KCTD8: variants seen among roughly 807,000 people sequenced by gnomAD.
KCTD8 encodes potassium channel tetramerization domain containing 8.
Under a neutral mutation model 31.5 loss-of-function variants are expected in KCTD8, and 27 were observed. The observed-to-expected ratio is 0.86, with a 90% CI of 0.63 to 1.18. The LOEUF (loss-of-function observed/expected upper bound fraction) is 1.18. KCTD8 is among the 50% of genes most tolerant of loss of function. KCTD8 has a pLI of 0.00. For missense variants in KCTD8, 658 were observed against 647.7 expected, an observed-to-expected ratio of 1.02 and a Z score of -0.17; for synonymous variants, 290 against 280.0, an observed-to-expected ratio of 1.04 and a Z score of -0.36.
chr4:44,439,079 AAC>A (rs1721753283), intron 1 of KCTD8, among the ~76,000 whole-genome samples: 1 of 152,192 alleles, frequency 6.6e-6, no homozygotes, highest in Non-Finnish European at 1.5e-5. Context: ...AGTAGAGGCC[AAC>A]AGATTCTGGC....
intron 1 of KCTD8, among the ~76,000 whole-genome samples, chr4:44,210,506 T>C (rs1243530746): frequency 6.6e-6 from 1 of 152,228 alleles, no homozygotes; most frequent in African/African-American, 2.4e-5. Context: ...TTTACTGTTA[T>C]TTCATTCTTT....
At chr4:44,371,155 A>G (rs1719773774) in intron 1 of KCTD8, among the ~76,000 whole-genome samples, 1 of 152,040 alleles carries the variant, frequency 6.6e-6, no homozygotes, top group Non-Finnish European at 1.5e-5. Flanking sequence ...TCAAGCAGAT[A>G]AGGTGATTTT....
At chr4:44,284,859 A>C (rs1301796776) in intron 1 of KCTD8, among the ~76,000 whole-genome samples, 1 of 152,230 alleles carries the variant, frequency 6.6e-6, no homozygotes, top group Non-Finnish European at 1.5e-5. Context: ...CAGCCAAAAG[A>C]TATATGAAAA....
At chr4:44,250,652 A>G (rs1304604919) in intron 1 of KCTD8, among the ~76,000 whole-genome samples, 1 of 151,726 alleles carries the variant, frequency 6.6e-6, no homozygotes, top group Non-Finnish European at 1.5e-5. Flanking sequence ...CTGTGAGTAA[A>G]GTTGATGATC....
chr4:44,357,903 A>G (rs998615876), intron 1 of KCTD8, among the ~76,000 whole-genome samples: 3 of 151,278 alleles, frequency 2.0e-5, no homozygotes, highest in Admixed American at 6.6e-5. Context: ...TATTATTATT[A>G]TAATTATTAT....
chr4:44,448,684 G>A lies in KCTD8; in HGVS notation c.-161C>T. 2 of 642,326 alleles carry A rather than the reference G, an allele frequency of 3.1e-6. No homozygotes were observed. The highest frequency in any genetic ancestry group is 4.4e-6 in the Non-Finnish European group (2 of 450,134). The allele number at this position is 642,326 out of a possible 1,614,324, so 39.8% of individuals were successfully genotyped here. A position where few individuals can be genotyped will look rare whatever the true frequency, so the allele number is the denominator to read the frequency against. ...CCCGCTCAGGGTTCGGGGCAGCGGC[G>A]GCGTCGGCGGCGCCCGAGCTCCATC... On this transcript the variant is annotated 5_prime_UTR_variant, in exon 1 of 2. Coordinates refer to ENST00000360029, the MANE Select transcript of KCTD8 (RefSeq NM_198353.3). The surrounding 1 kb of genome is among the most constrained non-coding windows in gnomAD (Gnocchi z 4.1).
chr4:44,291,395 C>T (rs1717268141), intron 1 of KCTD8, among the ~76,000 whole-genome samples: 1 of 151,994 alleles, frequency 6.6e-6, no homozygotes, highest in African/African-American at 2.4e-5. Flanking sequence ...GAAAGGACTC[C>T]CCACTCAATA....
At chr4:44,320,955 T>G (rs977616066) in intron 1 of KCTD8, among the ~76,000 whole-genome samples, 1 of 152,192 alleles carries the variant, frequency 6.6e-6, no homozygotes, top group Non-Finnish European at 1.5e-5. Flanking sequence ...AGAAGCCTGA[T>G]AGTGAAACTG....
chr4:44,174,249 T>A lies in KCTD8; in HGVS notation c.*541A>T, dbSNP rs1418869920. On this transcript the variant is annotated 3_prime_UTR_variant, in exon 2 of 2. Coordinates refer to ENST00000360029, the MANE Select transcript of KCTD8 (RefSeq NM_198353.3). ...TTTTTTTGCTTTTTTTTGTAATTTTTTTCTTTCCAAGCAACAAACAGATCT... is the reference window on the plus strand; with the variant it reads ...TTTTTTTGCTTTTTTTTGTAATTTTATTCTTTCCAAGCAACAAACAGATCT... The A allele has an allele frequency of 2.0e-5, 3 of 152,630 alleles. No homozygotes were observed. The highest frequency in any genetic ancestry group is 6.5e-5 in the Admixed American group (1 of 15,274). The allele number at this position is 152,630 out of a possible 1,614,324, so 9.5% of individuals were successfully genotyped here.
intron 1 of KCTD8, among the ~76,000 whole-genome samples, chr4:44,367,394 C>T (rs906916285): frequency 3.9e-5 from 6 of 152,212 alleles, no homozygotes; most frequent in East Asian, 1.9e-4. Context: ...CAATCAATCT[C>T]GAAGCTGACA....
At chr4:44,269,583 T>A (rs1208495011) in intron 1 of KCTD8, among the ~76,000 whole-genome samples, 8 of 151,952 alleles carry the variant, frequency 5.3e-5, no homozygotes, top group Non-Finnish European at 1.2e-4. Context: ...CAAAAGAAAC[T>A]ACCATCAGAG....
chr4:44,341,308 G>A lies in KCTD8; in HGVS notation c.961+106255C>T, dbSNP rs193156045. ...ATGTTGATGGGTGCAGACTGAGAAG[G>A]GTGGTGTTTGCAGAACCCTGAGGTG... On this transcript the variant is annotated intron_variant, in intron 1 of 1. Transcript: ENST00000360029. Among the ~76,000 whole-genome samples the A allele has an allele frequency of 2.6e-5, 4 of 152,266 alleles. No individual in the cohort carries two copies. In the East Asian group the frequency reaches 7.7e-4, roughly 29 times the overall value.
At chr4:44,392,940 A>T (rs1720408849) in intron 1 of KCTD8, among the ~76,000 whole-genome samples, 1 of 152,094 alleles carries the variant, frequency 6.6e-6, no homozygotes, top group Non-Finnish European at 1.5e-5. Flanking sequence ...AAATATATCA[A>T]ATTGTCAGAG....
At chr4:44,330,362 A>G (rs1039743047) in intron 1 of KCTD8, among the ~76,000 whole-genome samples, 1 of 151,988 alleles carries the variant, frequency 6.6e-6, no homozygotes, top group East Asian at 1.9e-4. Flanking sequence ...TGTTTTATTT[A>G]GTTCTGCTGA....
At chr4:44,303,728 G>T (rs1277972019) in intron 1 of KCTD8, among the ~76,000 whole-genome samples, 1 of 151,864 alleles carries the variant, frequency 6.6e-6, no homozygotes, top group Non-Finnish European at 1.5e-5. Flanking sequence ...AGGCAGAATT[G>T]CTTGAGCCCA....
chr4:44,185,299 C>T (rs1019882512), intron 1 of KCTD8, among the ~76,000 whole-genome samples: 3 of 152,192 alleles, frequency 2.0e-5, no homozygotes, highest in African/African-American at 7.2e-5. Context: ...CAATTTCCAC[C>T]ACCTATGACA....
intron 1 of KCTD8, among the ~76,000 whole-genome samples, chr4:44,370,921 A>G (rs1392542478): frequency 1.3e-5 from 2 of 152,092 alleles, no homozygotes; most frequent in South Asian, 2.1e-4. Flanking sequence ...GTAAACTGAT[A>G]CATAGAAAGA....
At chr4:44,416,244 G>A (rs1044232316) in intron 1 of KCTD8, among the ~76,000 whole-genome samples, 5 of 152,206 alleles carry the variant, frequency 3.3e-5, no homozygotes, top group African/African-American at 1.2e-4. Context: ...TCCAATGCCT[G>A]TACTACCACT....
At chr4:44,200,869 C>T (rs1714125298) in intron 1 of KCTD8, among the ~76,000 whole-genome samples, 1 of 151,674 alleles carries the variant, frequency 6.6e-6, no homozygotes, top group Admixed American at 6.6e-5. Flanking sequence ...GTTAAACACT[C>T]TCTCTCTTTG....
Sources: gnomAD v4.1 joint callset for allele counts (sites outside exome capture counted in the v4.1 genomes callset) on GRCh38, gnomAD v4.1.1 for gene constraint, Gnocchi (gnomAD v3.1) non-coding constraint, MANE v1.5 for transcripts, NCBI Gene and HGNC (gene_info 2026-07-23, HGNC 2026-07-21) for gene names.